Variants in SUGT1 observed in about 807,000 individuals in gnomAD.
SUGT1 encodes protein SGT1 homolog.
Under a neutral mutation model 56.1 loss-of-function variants are expected in SUGT1, and 15 were observed. That is an observed-to-expected ratio of 0.27 (90% confidence interval 0.18 to 0.41). The LOEUF is 0.41. Ranked by LOEUF, SUGT1 falls within the 10% of genes least tolerant of loss-of-function variation. The pLI is 1.00. For synonymous variants in SUGT1, 123 were observed against 128.6 expected (o/e 0.96, Z 0.30); for missense variants, 347 against 382.2 (o/e 0.91, Z 0.77).
chr13:52,653,193 C>T (rs1961994514), intron 2 of SUGT1, 90 bp downstream of exon 2: 2 of 1,488,666 alleles, frequency 1.3e-6, no homozygotes, highest in African/African-American at 1.4e-5. Context: ...CCCGCACCGC[C>T]GGACAGGGAC....
rs565052109 is a variant in SUGT1, at chr13:52,700,103, T to C, written c.*12268T>C. 1.1e-4 allele frequency: 17 copies of C among 152,246 alleles called. No homozygotes were observed. The highest frequency in any genetic ancestry group is 4.1e-4 in the African/African-American group (17 of 41,558). The allele number at this position is 152,246 out of a possible 1,614,324, so 9.4% of individuals were successfully genotyped here. On this transcript the variant is annotated 3_prime_UTR_variant, in exon 13 of 13. Transcript: ENST00000310528. The stretch of plus-strand genomic sequence containing the variant: ...TTCAGAGGGAATTTAGTGGGGCATA[T>C]CTCTTAAATGGTTTTGAATAATTTG...
intron 5 of SUGT1, chr13:52,661,390 T>G (rs2138118089): frequency 5.2e-6 from 1 of 192,290 alleles, no homozygotes; most frequent in African/African-American, 2.4e-5. Context: ...TCTCTCAAGT[T>G]CAGGTGATTC....
intron 12 of SUGT1, among the ~76,000 whole-genome samples, chr13:52,681,286 C>T (rs1199698537): frequency 6.7e-6 from 1 of 150,090 alleles, no homozygotes; most frequent in African/African-American, 2.5e-5. Context: ...GGCCTGGTGG[C>T]ATGTGTCTGT....
At chr13:52,670,035 C>A (rs1247490392) in intron 10 of SUGT1, among the ~76,000 whole-genome samples, 2 of 152,178 alleles carry the variant, frequency 1.3e-5, no homozygotes, top group African/African-American at 4.8e-5. Flanking sequence ...AGAGGAGAAT[C>A]TGCTTAATAG....
chr13:52,663,247 A>G, intron 7 of SUGT1, 135 bp downstream of exon 7: 12 of 772,884 alleles, frequency 1.6e-5, no homozygotes, highest in Non-Finnish European at 2.4e-5. Flanking sequence ...TGGTTCCTCT[A>G]GGCACTGAAA....
At position 52,700,567 on chromosome 13, in the gene SUGT1, T is replaced by TA. The variant is rs1964052833; in HGVS notation, c.*12732_*12733insA. 10 of 152,088 alleles carry TA rather than the reference T, an allele frequency of 6.6e-5. No homozygotes were observed. Among genetic ancestry groups the TA allele is most frequent in the Admixed American group, 6.6e-4 (10 of 15,260 alleles). The allele number at this position is 152,088 out of a possible 1,614,324, so 9.4% of individuals were successfully genotyped here. ...AGCATGTGTATTTGTACAAAAGCCC[T>TA]TCAAAAGGAGTTCAGCTTTTATAAA... On this transcript the variant is annotated 3_prime_UTR_variant, in exon 13 of 13. Transcript: ENST00000310528.
intron 10 of SUGT1, among the ~76,000 whole-genome samples, chr13:52,674,901 G>A (rs987226959): frequency 5.9e-5 from 9 of 152,136 alleles, no homozygotes; most frequent in African/African-American, 1.7e-4. Flanking sequence ...TGTGTGTGTT[G>A]GGGGCAAGGA....
intron 10 of SUGT1, among the ~76,000 whole-genome samples, chr13:52,674,884 A>G (rs944091849): frequency 6.6e-6 from 1 of 152,196 alleles, no homozygotes; most frequent in Admixed American, 6.5e-5. Context: ...ATAAAATGCT[A>G]TGTGATTGTG....
At chr13:52,657,911 G>A (rs557087823) in intron 3 of SUGT1, among the ~76,000 whole-genome samples, 14 of 152,226 alleles carry the variant, frequency 9.2e-5, no homozygotes, top group African/African-American at 2.6e-4. Flanking sequence ...TGAAATGCTC[G>A]TTTAAATTTT....
chr13:52,655,594 T>G (rs1962126997), intron 2 of SUGT1, among the ~76,000 whole-genome samples: 1 of 152,064 alleles, frequency 6.6e-6, no homozygotes, highest in African/African-American at 2.4e-5. Context: ...TTATGTAAAA[T>G]GCACCGGACT....
In SUGT1 at chr13:52,697,900, T is replaced by C. The variant is rs1963982560; in HGVS notation, c.*10065T>C. ...CTTCATGGAGCTTAGCTTGTGGTGG[T>C]GGAAAGAAGCCCTCAGCCTGAATAC... On this transcript the variant is annotated 3_prime_UTR_variant, in exon 13 of 13. Transcript: ENST00000310528. 1 of 152,168 alleles carries C rather than the reference T, an allele frequency of 6.6e-6. No homozygotes were observed. The highest frequency in any genetic ancestry group is 2.4e-5 in the African/African-American group (1 of 41,424). 9.4% of individuals were successfully genotyped at this position (152,168 alleles called of 1,614,324 possible). A position where few individuals can be genotyped will look rare whatever the true frequency, so the allele number is the denominator to read the frequency against.
intron 10 of SUGT1, among the ~76,000 whole-genome samples, chr13:52,675,923 A>G (rs1963121775): frequency 6.6e-6 from 1 of 152,144 alleles, no homozygotes; most frequent in Admixed American, 6.6e-5. Flanking sequence ...ACATGGCTAA[A>G]TGTCCCCTGG....
intron 4 of SUGT1, 77 bp downstream of exon 4, chr13:52,658,545 G>T: frequency 7.4e-7 from 1 of 1,357,956 alleles, no homozygotes; most frequent in South Asian, 1.5e-5. Context: ...TTCATTGCAA[G>T]CTTTATATAA....
Position 52,657,515 on chromosome 13 carries a change from CAT to C in SUGT1, c.97-16_97-15del, listed in dbSNP as rs765655238. 5.6e-6 allele frequency: 9 copies of C among 1,607,580 alleles called. No individual in the cohort carries two copies. In the East Asian group the frequency reaches 6.7e-5, roughly 12 times the overall value. ...CTTACAAACTTTTACTGACGCTCCA[CAT>C]GTTTGTTTTTGTAGGAGCTGACTAA... On this transcript the variant is annotated splice_polypyrimidine_tract_variant and intron_variant, in intron 2 of 12. Coordinates refer to ENST00000310528, the MANE Select transcript of SUGT1 (RefSeq NM_006704.5).
At chr13:52,674,505 G>A (rs1353323667) in intron 10 of SUGT1, among the ~76,000 whole-genome samples, 1 of 152,118 alleles carries the variant, frequency 6.6e-6, no homozygotes, top group Non-Finnish European at 1.5e-5. Flanking sequence ...GTTTTTCCCT[G>A]TGTTAGCGCT....
In SUGT1 at chr13:52,693,617, T is replaced by C. The variant is rs1422511141; in HGVS notation, c.*5782T>C. 6.6e-6 allele frequency: 1 copy of C among 152,030 alleles called. No individual in the cohort carries two copies. Among genetic ancestry groups the C allele is most frequent in the Non-Finnish European group, 1.5e-5 (1 of 68,016 alleles). The allele number at this position is 152,030 out of a possible 1,614,324, so 9.4% of individuals were successfully genotyped here. ...AGTTTTTGTGTCTATGTAAAGGAGATAATAGGATCCCCCTCATGCCTCATG... is the reference window on the plus strand; with the variant it reads ...AGTTTTTGTGTCTATGTAAAGGAGACAATAGGATCCCCCTCATGCCTCATG... On this transcript the variant is annotated 3_prime_UTR_variant, in exon 13 of 13. Transcript: ENST00000310528.
intron 2 of SUGT1, among the ~76,000 whole-genome samples, chr13:52,654,611 C>T (rs1374883067): frequency 2.0e-5 from 3 of 152,186 alleles, no homozygotes; most frequent in African/African-American, 2.4e-5. Context: ...TCTTACTGTC[C>T]TGCTGACTCC....
intron 11 of SUGT1, among the ~76,000 whole-genome samples, chr13:52,676,612 GGCCCTTCCTGTTGT>G (rs1566191424): frequency 6.6e-6 from 1 of 152,046 alleles, no homozygotes; most frequent in Non-Finnish European, 1.5e-5. Context: ...TTTGCGTGTT[GGCCCTTCCTGTTGT>G]TTCTTTTTGG....
chr13:52,681,415 CAAA>C (rs201016706), intron 12 of SUGT1, among the ~76,000 whole-genome samples: 2 of 90,920 alleles, frequency 2.2e-5, no homozygotes, highest in Non-Finnish European at 4.6e-5. Flanking sequence ...GACCCTGTCT[CAAA>C]AAAAAAAAAA....
Sources: gnomAD v4.1 joint callset for allele counts (sites outside exome capture counted in the v4.1 genomes callset) on GRCh38, gnomAD v4.1.1 for gene constraint, MANE v1.5 for transcripts, NCBI Gene and HGNC (gene_info 2026-07-23, HGNC 2026-07-21) for gene names.